Variants in PDZRN4 observed in about 807,000 individuals in gnomAD.
PDZRN4 encodes PDZ domain-containing RING finger protein 4.
In PDZRN4, 70 loss-of-function variants were observed where a neutral mutation model predicts 99.0. That is an observed-to-expected ratio of 0.71 (90% CI 0.58 to 0.86). PDZRN4 has a LOEUF of 0.86. Among genes scored for constraint, PDZRN4 ranks in the 40% least tolerant of loss-of-function variants. The probability of loss-of-function intolerance (pLI) is 0.00; values close to 1 mark genes in which losing one functional copy is unlikely to be tolerated. For missense variants in PDZRN4, 1,474 were observed against 1,331.2 expected, an observed-to-expected ratio of 1.11 and a Z score of -1.67; for synonymous variants, 551 against 501.6, an observed-to-expected ratio of 1.10 and a Z score of -1.32.
At chr12:41,393,716 G>GAGAAATCTCAGTAGTCA (rs1952226278) in intron 3 of PDZRN4, among the ~76,000 whole-genome samples, 1 of 152,066 alleles carries the variant, frequency 6.6e-6, no homozygotes, top group Admixed American at 6.5e-5. Context: ...CTCTATGTAG[G>GAGAAATCTCAGTAGTCA]GCTGACTGAG....
chr12:41,189,085 C>G lies in PDZRN4; in HGVS notation c.630C>G (p.Leu210=), dbSNP rs752248309. 5.7e-6 allele frequency: 9 copies of G among 1,581,642 alleles called. No homozygotes were observed. In the Admixed American group the frequency reaches 1.0e-4, roughly 18 times the overall value. Residue 210 remains leucine, a synonymous_variant, in exon 1 of 10, where the codon CTC becomes CTG. Coordinates refer to ENST00000402685, the MANE Select transcript of PDZRN4 (RefSeq NM_001164595.2). ...MAHVRNFVGD[L]GGGHRRDGEH... ...ACGTCCGCAACTTCGTCGGCGACCT[C>G]GGTGGCGGCCACCGCAGGGTAAGCA...
chr12:41,366,785 A>G (rs1319529089), intron 3 of PDZRN4, among the ~76,000 whole-genome samples: 1 of 152,184 alleles, frequency 6.6e-6, no homozygotes, highest in Admixed American at 6.6e-5. Flanking sequence ...AATTGTAATT[A>G]CATTACAGTT....
intron 3 of PDZRN4, among the ~76,000 whole-genome samples, chr12:41,495,600 T>C (rs1201512512): frequency 1.3e-5 from 2 of 152,132 alleles, no homozygotes; most frequent in Non-Finnish European, 2.9e-5. Context: ...GTTTCCCTGC[T>C]TCCATTCAGT....
intron 3 of PDZRN4, among the ~76,000 whole-genome samples, chr12:41,293,433 C>T (rs574703046): frequency 6.6e-6 from 1 of 151,894 alleles, no homozygotes; most frequent in South Asian, 2.1e-4. Context: ...ACTACCTGCG[C>T]TCCTGCTCTG....
chr12:41,385,672 G>C (rs1201196961), intron 3 of PDZRN4, among the ~76,000 whole-genome samples: 1 of 152,120 alleles, frequency 6.6e-6, no homozygotes, highest in African/African-American at 2.4e-5. Flanking sequence ...AATTTAGTTA[G>C]TAATAAGTAG....
intron 3 of PDZRN4, among the ~76,000 whole-genome samples, chr12:41,361,688 C>G (rs894672141): frequency 6.6e-6 from 1 of 152,012 alleles, no homozygotes; most frequent in African/African-American, 2.4e-5. Flanking sequence ...GGACGTCTTG[C>G]TACTGAATGT....
At chr12:41,399,461 T>C (rs940183364) in intron 3 of PDZRN4, among the ~76,000 whole-genome samples, 15 of 152,148 alleles carry the variant, frequency 9.9e-5, no homozygotes, top group Non-Finnish European at 1.3e-4. Context: ...TTGGCTGGGC[T>C]CAGTGGCTCA....
At position 41,188,653 on chromosome 12, in the gene PDZRN4, G is replaced by C. The variant is rs570124260; in HGVS notation, c.198G>C (p.Arg66=). The C allele has an allele frequency of 1.2e-5, 18 of 1,545,490 alleles. No individual in the cohort carries two copies. The African/African-American group carries it at 1.9e-4, about 16-fold the overall frequency. The change falls in exon 1 of 10, where the codon CGG becomes CGC. Residue 66 remains arginine, a synonymous_variant. Coordinates refer to ENST00000402685, the MANE Select transcript of PDZRN4 (RefSeq NM_001164595.2). ...CQPLAPGELY[R]VLPLRSLIQK... ...CCTTGGCGCCCGGCGAGCTGTACCG[G>C]GTGCTGCCGCTGCGCAGCCTCATCC...
chr12:41,211,189 A>G (rs905081173), intron 3 of PDZRN4, among the ~76,000 whole-genome samples: 3 of 151,982 alleles, frequency 2.0e-5, no homozygotes, highest in Non-Finnish European at 4.4e-5. Context: ...TAATTACCTT[A>G]TTGAAAGAAT....
intron 3 of PDZRN4, among the ~76,000 whole-genome samples, chr12:41,363,113 G>A (rs769108226): frequency 1.1e-4 from 17 of 152,024 alleles, no homozygotes; most frequent in Non-Finnish European, 2.2e-4. Flanking sequence ...CTTATCTAGA[G>A]ACTAGTCTTT....
At chr12:41,453,199 C>G (rs1403210243) in intron 3 of PDZRN4, among the ~76,000 whole-genome samples, 1 of 152,146 alleles carries the variant, frequency 6.6e-6, no homozygotes, top group Admixed American at 6.5e-5. Context: ...CCATGCCCCC[C>G]GCCCCTGGGG....
At chr12:41,561,508 T>C (rs1037756932) in intron 7 of PDZRN4, among the ~76,000 whole-genome samples, 1 of 150,532 alleles carries the variant, frequency 6.6e-6, no homozygotes, top group Non-Finnish European at 1.5e-5. Context: ...TAGACTAACA[T>C]GAATAAGTAT....
chr12:41,288,338 G>A (rs1396265177), intron 3 of PDZRN4, among the ~76,000 whole-genome samples: 1 of 152,120 alleles, frequency 6.6e-6, no homozygotes, highest in Non-Finnish European at 1.5e-5. Flanking sequence ...ATGCCATACG[G>A]CTCTGGATGG....
At chr12:41,309,169 C>T (rs1269116313) in intron 3 of PDZRN4, among the ~76,000 whole-genome samples, 1 of 152,036 alleles carries the variant, frequency 6.6e-6, no homozygotes. Context: ...CCACAAGAAA[C>T]CTAACTTGAA....
chr12:41,498,452 A>T (rs1331848220), intron 3 of PDZRN4, among the ~76,000 whole-genome samples: 1 of 152,158 alleles, frequency 6.6e-6, no homozygotes, highest in Non-Finnish European at 1.5e-5. Flanking sequence ...GCATCTGGCA[A>T]AGGCCTTCTT....
At chr12:41,377,262 T>A (rs1380822610) in intron 3 of PDZRN4, among the ~76,000 whole-genome samples, 1 of 152,142 alleles carries the variant, frequency 6.6e-6, no homozygotes, top group Non-Finnish European at 1.5e-5. Context: ...CTGTGAAAAA[T>A]CTCATTAGGA....
chr12:41,274,452 C>T (rs767887954), intron 3 of PDZRN4, among the ~76,000 whole-genome samples: 2 of 152,248 alleles, frequency 1.3e-5, no homozygotes, highest in African/African-American at 2.4e-5. Context: ...GTGAACACTT[C>T]CTAGTTTAAG....
At chr12:41,394,383 A>C (rs192547517) in intron 3 of PDZRN4, among the ~76,000 whole-genome samples, 1 of 152,336 alleles carries the variant, frequency 6.6e-6, no homozygotes, top group Admixed American at 6.5e-5. Flanking sequence ...AGATACAGGT[A>C]AAATCTGTAA....
At chr12:41,358,042 G>A (rs1324094941) in intron 3 of PDZRN4, among the ~76,000 whole-genome samples, 2 of 151,996 alleles carry the variant, frequency 1.3e-5, no homozygotes, top group African/African-American at 4.8e-5. Context: ...TCATAAGTGA[G>A]GAAGTGAGGA....
Sources: gnomAD v4.1 joint callset for allele counts (sites outside exome capture counted in the v4.1 genomes callset) on GRCh38, gnomAD v4.1.1 for gene constraint, MANE v1.5 for transcripts, NCBI Gene and HGNC (gene_info 2026-07-23, HGNC 2026-07-21) for gene names.